The following NRXN1 variants were observed in gnomAD, a reference collection of about 807,000 sequenced individuals.
The protein encoded by NRXN1 is neurexin 1, also known as neurexin-1.
NRXN1 carries 39 observed loss-of-function variants against 150.9 expected under a neutral mutation model. The ratio of observed to expected loss-of-function variants is 0.26; its 90% CI spans 0.20 to 0.34. The LOEUF (loss-of-function observed/expected upper bound fraction) is 0.34, where lower values mean the gene tolerates loss of function less well. Among genes scored for constraint, NRXN1 ranks in the 10% least tolerant of loss-of-function variants. The pLI, the probability that NRXN1 is intolerant of heterozygous loss-of-function variation, is 1.00. For synonymous variants in NRXN1, 924 were observed against 757.0 expected (o/e 1.22, Z -3.62); for missense variants, 1,815 against 1,949.9 (o/e 0.93, Z 1.30).
At chr2:50,522,716 A>AT (rs2092821254) in intron 12 of NRXN1, among the ~76,000 whole-genome samples, 1 of 38,300 alleles carries the variant, frequency 2.6e-5, no homozygotes, top group Non-Finnish European at 4.6e-5. Flanking sequence ...ATTTATTTTT[A>AT]TTCATTTTTT....
chr2:49,926,305 AAGT>A (rs777783150), intron 22 of NRXN1: 8 of 398,290 alleles, frequency 2.0e-5, no homozygotes, highest in Non-Finnish European at 3.5e-5. Flanking sequence ...GACCACTGAA[AAGT>A]AGTTTTTAAT....
At chr2:50,063,831 T>C (rs1694939694) in intron 19 of NRXN1, among the ~76,000 whole-genome samples, 1 of 152,134 alleles carries the variant, frequency 6.6e-6, no homozygotes, top group Non-Finnish European at 1.5e-5. Flanking sequence ...GCTGTACGCC[T>C]TATGTATAAC....
At chr2:50,523,940 G>C (rs970752285) in intron 12 of NRXN1, among the ~76,000 whole-genome samples, 4 of 152,126 alleles carry the variant, frequency 2.6e-5, no homozygotes, top group Non-Finnish European at 5.9e-5. Context: ...TACTTGGAAG[G>C]TCTGCTTAAA....
At chr2:50,594,871 A>G (rs2103857276) in intron 8 of NRXN1, among the ~76,000 whole-genome samples, 1 of 152,172 alleles carries the variant, frequency 6.6e-6, no homozygotes, top group East Asian at 1.9e-4. Flanking sequence ...CATACTGCTC[A>G]GGGCTAATCA....
intron 17 of NRXN1, among the ~76,000 whole-genome samples, chr2:50,403,814 T>A (rs906924879): frequency 1.3e-5 from 2 of 152,072 alleles, no homozygotes; most frequent in African/African-American, 4.8e-5. Context: ...TTAGAAGAGA[T>A]TTTAGAAAAT....
intron 17 of NRXN1, among the ~76,000 whole-genome samples, chr2:50,261,093 C>A (rs924663732): frequency 6.6e-6 from 1 of 151,698 alleles, no homozygotes; most frequent in Non-Finnish European, 1.5e-5. Context: ...GTAGAGACAA[C>A]CAGACTGCTA....
intron 17 of NRXN1, among the ~76,000 whole-genome samples, chr2:50,427,548 T>C (rs2084597825): frequency 6.6e-6 from 1 of 152,178 alleles, no homozygotes; most frequent in African/African-American, 2.4e-5. Flanking sequence ...TAAGGAGACA[T>C]CCACAAAGTG....
At chr2:50,549,063 T>C (rs899303089) in intron 9 of NRXN1, among the ~76,000 whole-genome samples, 2 of 152,156 alleles carry the variant, frequency 1.3e-5, no homozygotes, top group African/African-American at 4.8e-5. Context: ...TGAAAAATAA[T>C]ATTCATATAG....
At chr2:50,874,403 C>G (rs1197465870) in intron 5 of NRXN1, among the ~76,000 whole-genome samples, 1 of 151,432 alleles carries the variant, frequency 6.6e-6, no homozygotes, top group Non-Finnish European at 1.5e-5. Flanking sequence ...TTTTCCATCT[C>G]TTTTTTTTAT....
intron 17 of NRXN1, among the ~76,000 whole-genome samples, chr2:50,399,728 C>T (rs1336475766): frequency 1.7e-5 from 2 of 118,452 alleles, no homozygotes; most frequent in Admixed American, 2.0e-4. Context: ...AAACCTTGTT[C>T]AGTATTCTGC....
At chr2:50,568,097 A>G (rs1323187566) in intron 8 of NRXN1, among the ~76,000 whole-genome samples, 2 of 152,124 alleles carry the variant, frequency 1.3e-5, no homozygotes, top group African/African-American at 4.8e-5. Flanking sequence ...TAACCATATT[A>G]TAGAAACAAA....
At chr2:50,842,125 G>C (rs1040816375) in intron 5 of NRXN1, among the ~76,000 whole-genome samples, 1 of 152,200 alleles carries the variant, frequency 6.6e-6, no homozygotes, top group Non-Finnish European at 1.5e-5. Context: ...TCATCTGTGA[G>C]TGGACAGGTT....
At chr2:50,334,587 C>A (rs1294525050) in intron 17 of NRXN1, among the ~76,000 whole-genome samples, 2 of 152,118 alleles carry the variant, frequency 1.3e-5, no homozygotes. Context: ...GGTCCTATTT[C>A]CCAAATGGCA....
intron 5 of NRXN1, among the ~76,000 whole-genome samples, chr2:50,900,614 G>C (rs185237112): frequency 2.8e-4 from 43 of 152,168 alleles, no homozygotes; most frequent in African/African-American, 9.9e-4. Flanking sequence ...GTCAGAGTGA[G>C]GATTAAAAGT....
intron 2 of NRXN1, among the ~76,000 whole-genome samples, chr2:51,000,962 T>C (rs1699962406): frequency 6.6e-6 from 1 of 151,796 alleles, no homozygotes; most frequent in South Asian, 2.1e-4. Context: ...AGGAACAAAT[T>C]ATAATTTGAA....
intron 2 of NRXN1, among the ~76,000 whole-genome samples, chr2:50,940,610 C>G (rs1315399941): frequency 6.6e-6 from 1 of 152,008 alleles, no homozygotes. Flanking sequence ...ACTTAAGAAG[C>G]AGACTTCAGA....
chr2:50,391,074 C>T (rs2081657212), intron 17 of NRXN1, among the ~76,000 whole-genome samples: 1 of 151,982 alleles, frequency 6.6e-6, no homozygotes, highest in Non-Finnish European at 1.5e-5. Context: ...TCCAGAATAA[C>T]TTTCAAGAAT....
chr2:50,744,442 T>C (rs1190831947), intron 5 of NRXN1, among the ~76,000 whole-genome samples: 1 of 152,112 alleles, frequency 6.6e-6, no homozygotes, highest in Non-Finnish European at 1.5e-5. Context: ...TAACAAGATA[T>C]AATTAATAAT....
At chr2:51,006,747 TAA>T (rs1700779814) in intron 2 of NRXN1, among the ~76,000 whole-genome samples, 1 of 151,972 alleles carries the variant, frequency 6.6e-6, no homozygotes, top group Admixed American at 6.6e-5. Flanking sequence ...CTACAAATTC[TAA>T]GTTATTTGTA....
Sources: allele counts gnomAD v4.1 joint callset (sites outside exome capture counted in the v4.1 genomes callset), GRCh38; gene constraint gnomAD v4.1.1; transcripts MANE v1.5; gene names NCBI Gene and HGNC (gene_info 2026-07-23, HGNC 2026-07-21).